DTWD2: variants seen among roughly 807,000 people sequenced by gnomAD.
The protein encoded by DTWD2 is tRNA-uridine aminocarboxypropyltransferase 2.
DTWD2 carries 39 observed loss-of-function variants against 31.8 expected under a neutral mutation model. The observed-to-expected ratio is 1.22, with a 90% CI of 0.95 to 1.60. The LOEUF (loss-of-function observed/expected upper bound fraction) is 1.60, where lower values mean the gene tolerates loss of function less well. Ranked by LOEUF, DTWD2 falls within the 40% of genes most tolerant of loss-of-function variation. The probability of loss-of-function intolerance (pLI) is 0.00; values close to 1 mark genes in which losing one functional copy is unlikely to be tolerated. For synonymous variants in DTWD2, 180 were observed against 142.8 expected (o/e 1.26, Z -1.86); for missense variants, 515 against 381.5 (o/e 1.35, Z -2.92).
intron 1 of DTWD2, among the ~76,000 whole-genome samples, chr5:118,946,851 G>A (rs999159305): frequency 2.6e-5 from 4 of 152,054 alleles, no homozygotes; most frequent in East Asian, 1.9e-4. Flanking sequence ...ATCGATTCTC[G>A]TGTCTCACCC....
chr5:118,895,944 T>C (rs1179920472), intron 4 of DTWD2, among the ~76,000 whole-genome samples: 1 of 152,236 alleles, frequency 6.6e-6, no homozygotes, highest in Non-Finnish European at 1.5e-5. Context: ...TAAAATTATA[T>C]AATTCATACA....
At chr5:118,985,471 C>A (rs1427640766) in intron 1 of DTWD2, among the ~76,000 whole-genome samples, 2 of 112,850 alleles carry the variant, frequency 1.8e-5, no homozygotes, top group African/African-American at 5.6e-5. Flanking sequence ...AGAAAAAGAC[C>A]ACATGCTTAT....
chr5:118,988,191 A>C (rs1012854282), intron 1 of DTWD2, 103 bp downstream of exon 1: 1 of 1,406,022 alleles, frequency 7.1e-7, no homozygotes, highest in Non-Finnish European at 9.7e-7. Flanking sequence ...CCGCCGCCCT[A>C]ATCGCAGAGC....
rs538649744 is a variant in DTWD2, at chr5:118,872,475, A to G, written c.598-24257T>C. 1.1e-4 allele frequency among the ~76,000 whole-genome samples: 17 copies of G among 152,286 alleles called. No individual in the cohort carries two copies. The South Asian group carries it at 1.7e-3, about 15-fold the overall frequency. ...TTGAACGCTTAGAGGCCATTCTAGG[A>G]TATTAATTGGCCTAATTTCAAAATT... On this transcript the variant is annotated intron_variant, in intron 4 of 5. Transcript: ENST00000510708.
At chr5:118,863,257 G>T (rs1311806012) in intron 4 of DTWD2, among the ~76,000 whole-genome samples, 1 of 152,184 alleles carries the variant, frequency 6.6e-6, no homozygotes. Context: ...AGAAAAGGCA[G>T]AAGTTCCACA....
intron 4 of DTWD2, among the ~76,000 whole-genome samples, chr5:118,912,940 C>G (rs534171756): frequency 6.6e-6 from 1 of 152,112 alleles, no homozygotes; most frequent in Non-Finnish European, 1.5e-5. Context: ...AAGCTATCAA[C>G]AAGATGCAAT....
chr5:118,847,809 CA>C (rs1751894402), intron 5 of DTWD2, among the ~76,000 whole-genome samples: 1 of 151,794 alleles, frequency 6.6e-6, no homozygotes, highest in African/African-American at 2.4e-5. Context: ...AAAATCTAGC[CA>C]AAAAACTACT....
At chr5:118,854,423 GT>G (rs1752084101) in intron 4 of DTWD2, among the ~76,000 whole-genome samples, 1 of 151,582 alleles carries the variant, frequency 6.6e-6, no homozygotes, top group Admixed American at 6.6e-5. Flanking sequence ...AACTTAGCAT[GT>G]TATTGAAATC....
chr5:118,884,239 T>C lies in DTWD2; in HGVS notation c.598-36021A>G, dbSNP rs1429995960. Among the ~76,000 whole-genome samples the C allele has an allele frequency of 3.9e-5, 6 of 152,222 alleles. No homozygotes were observed. In the South Asian group the frequency reaches 8.3e-4, roughly 21 times the overall value. ...ATACATACATGTAGTTCCTTTTGTATGTTTTTCAAAAACTCACCCACAGAA... is the reference window on the plus strand; with the variant it reads ...ATACATACATGTAGTTCCTTTTGTACGTTTTTCAAAAACTCACCCACAGAA... On this transcript the variant is annotated intron_variant, in intron 4 of 5. Coordinates refer to ENST00000510708, the MANE Select transcript of DTWD2 (RefSeq NM_173666.4).
chr5:118,887,144 T>C (rs549085005), intron 4 of DTWD2, among the ~76,000 whole-genome samples: 2 of 152,340 alleles, frequency 1.3e-5, no homozygotes, highest in African/African-American at 4.8e-5. Context: ...ATGAGCAGTT[T>C]ATGTCAGTTT....
chr5:118,905,414 G>C (rs1223003644), intron 4 of DTWD2, among the ~76,000 whole-genome samples: 1 of 152,072 alleles, frequency 6.6e-6, no homozygotes, highest in East Asian at 1.9e-4. Context: ...CTGAGTAAGA[G>C]GGCCTGTCCT....
intron 4 of DTWD2, among the ~76,000 whole-genome samples, chr5:118,927,282 A>T (rs1025219883): frequency 6.6e-6 from 1 of 152,094 alleles, no homozygotes; most frequent in African/African-American, 2.4e-5. Context: ...AGGGAACACA[A>T]TTCAGTCTAC....
In DTWD2 at chr5:118,943,446, G is replaced by C. The variant is rs543625308; in HGVS notation, c.309+1113C>G. 2.6e-5 allele frequency among the ~76,000 whole-genome samples: 4 copies of C among 151,958 alleles called. 1 individual carries two copies. Among genetic ancestry groups the C allele is most frequent in the African/African-American group, 9.7e-5 (4 of 41,350 alleles). On this transcript the variant is annotated intron_variant, in intron 2 of 5. Transcript: ENST00000510708. ...GGCGCCTGTAGTCCCAGCTACTCGGGAGGCCGAGGCAGGAGAATGGCATGA... is the reference window on the plus strand; with the variant it reads ...GGCGCCTGTAGTCCCAGCTACTCGGCAGGCCGAGGCAGGAGAATGGCATGA...
intron 4 of DTWD2, among the ~76,000 whole-genome samples, chr5:118,876,763 G>C (rs1752630225): frequency 6.6e-6 from 1 of 152,128 alleles, no homozygotes; most frequent in African/African-American, 2.4e-5. Context: ...AAAAGCCAAG[G>C]ACCAGATGGA....
intron 4 of DTWD2, among the ~76,000 whole-genome samples, chr5:118,923,973 T>A (rs1753758535): frequency 1.3e-5 from 2 of 152,176 alleles, no homozygotes; most frequent in Non-Finnish European, 2.9e-5. Context: ...AGAGCTGTCA[T>A]AATTGCTGGG....
At chr5:118,930,814 A>G (rs1753906123) in intron 3 of DTWD2, among the ~76,000 whole-genome samples, 1 of 151,706 alleles carries the variant, frequency 6.6e-6, no homozygotes, top group South Asian at 2.1e-4. Context: ...GAAAATCAAT[A>G]GAAACACAGA....
intron 4 of DTWD2, among the ~76,000 whole-genome samples, chr5:118,894,161 G>T (rs1753032981): frequency 6.6e-6 from 1 of 151,818 alleles, no homozygotes; most frequent in African/African-American, 2.4e-5. Context: ...CTGGCAAACT[G>T]CTCTGACTTC....
chr5:118,932,572 C>A (rs1753951131), intron 3 of DTWD2, among the ~76,000 whole-genome samples: 1 of 152,066 alleles, frequency 6.6e-6, no homozygotes. Context: ...AGAAAAATCA[C>A]CTTTAAAGAA....
chr5:118,893,557 T>C (rs147630267), intron 4 of DTWD2, among the ~76,000 whole-genome samples: 2 of 152,230 alleles, frequency 1.3e-5, no homozygotes, highest in African/African-American at 4.8e-5. Context: ...TATATTTTTA[T>C]AGTTTTTCAA....
Sources: allele counts gnomAD v4.1 joint callset (sites outside exome capture counted in the v4.1 genomes callset), GRCh38; gene constraint gnomAD v4.1.1; transcripts MANE v1.5; gene names NCBI Gene and HGNC (gene_info 2026-07-23, HGNC 2026-07-21).